Variants in ZSWIM5 observed in about 807,000 individuals in gnomAD.
The protein encoded by ZSWIM5 is zinc finger SWIM domain-containing protein 5.
Under a neutral mutation model 119.6 loss-of-function variants are expected in ZSWIM5, and 55 were observed. The observed-to-expected ratio is 0.46, with a 90% confidence interval of 0.37 to 0.58. The LOEUF (loss-of-function observed/expected upper bound fraction) is 0.58. Among genes scored for constraint, ZSWIM5 ranks in the 20% least tolerant of loss-of-function variants. The pLI, the probability that ZSWIM5 is intolerant of heterozygous loss-of-function variation, is 0.00. For missense variants in ZSWIM5, 1,193 were observed against 1,512.8 expected (o/e 0.79, Z 3.51); for synonymous variants, 537 against 606.9 (o/e 0.88, Z 1.69).
At chr1:45,093,846 GTTT>G (rs11383878) in intron 1 of ZSWIM5, among the ~76,000 whole-genome samples, 2 of 137,536 alleles carry the variant, frequency 1.5e-5, no homozygotes, top group Non-Finnish European at 3.1e-5. Flanking sequence ...GTAGAAGCTT[GTTT>G]TTTTTTTTTT....
chr1:45,169,171 T>G (rs1307839238), intron 1 of ZSWIM5, among the ~76,000 whole-genome samples: 1 of 151,892 alleles, frequency 6.6e-6, no homozygotes, highest in East Asian at 1.9e-4. Flanking sequence ...ATATCTAGTT[T>G]CTTCTGCTTG....
intron 1 of ZSWIM5, among the ~76,000 whole-genome samples, chr1:45,145,279 CTTACCATA>C (rs1645753326): frequency 1.3e-5 from 2 of 151,190 alleles, no homozygotes; most frequent in South Asian, 4.2e-4. Context: ...TATACACTTA[CTTACCATA>C]TTACCCAGCA....
At chr1:45,164,029 A>G (rs1395677313) in intron 1 of ZSWIM5, among the ~76,000 whole-genome samples, 1 of 152,210 alleles carries the variant, frequency 6.6e-6, no homozygotes, top group Non-Finnish European at 1.5e-5. Flanking sequence ...CAGATTCACC[A>G]AAGTTGAAAT....
At chr1:45,081,690 A>G (rs346708) in intron 2 of ZSWIM5, among the ~76,000 whole-genome samples, 26,635 of 149,954 alleles carry the variant, frequency 0.18, 2,498 homozygotes, top group African/African-American at 0.24. Flanking sequence ...GCCTGCCTTG[A>G]CCTCCCAAAG....
intron 1 of ZSWIM5, among the ~76,000 whole-genome samples, chr1:45,200,696 T>C (rs1646153408): frequency 6.6e-6 from 1 of 152,226 alleles, no homozygotes; most frequent in Admixed American, 6.5e-5. Context: ...TTGTCAAAAA[T>C]ATTCCACATG....
chr1:45,098,535 G>A (rs1023277604), intron 1 of ZSWIM5, among the ~76,000 whole-genome samples: 3 of 152,074 alleles, frequency 2.0e-5, no homozygotes, highest in East Asian at 1.9e-4. Flanking sequence ...ACTCAGCTCC[G>A]CACCAAGCAG....
In ZSWIM5 at chr1:45,018,428, G is replaced by C; in HGVS notation, c.*26C>G. ...CTGATACTACCTGGGAACCCAGGCTGCTCTGGCAGTGAGCTATCTGCTCTC... is the reference window on the plus strand; with the variant it reads ...CTGATACTACCTGGGAACCCAGGCTCCTCTGGCAGTGAGCTATCTGCTCTC... On this transcript the variant is annotated 3_prime_UTR_variant, in exon 14 of 14. Transcript: ENST00000359600. The surrounding 1 kb of genome is among the most constrained non-coding windows in gnomAD (Gnocchi z 6.7). The C allele has an allele frequency of 6.2e-7, 1 of 1,602,740 alleles. No homozygotes were observed. Among genetic ancestry groups the C allele is most frequent in the Non-Finnish European group, 8.5e-7 (1 of 1,173,806 alleles).
At chr1:45,049,718 G>A (rs1325418434) in intron 5 of ZSWIM5, among the ~76,000 whole-genome samples, 1 of 152,162 alleles carries the variant, frequency 6.6e-6, no homozygotes, top group Non-Finnish European at 1.5e-5. Context: ...GGAAGCTGAG[G>A]CAGCAGAATT....
chr1:45,073,030 A>G (rs1645233068), intron 2 of ZSWIM5, among the ~76,000 whole-genome samples: 1 of 151,900 alleles, frequency 6.6e-6, no homozygotes, highest in Admixed American at 6.5e-5. Context: ...TATTTTAACA[A>G]TATTGATTTT....
intron 2 of ZSWIM5, among the ~76,000 whole-genome samples, chr1:45,067,082 G>GCCTTTATGACATTAAATAGTTGGATA (rs1645188169): frequency 1.3e-5 from 2 of 152,218 alleles, no homozygotes; most frequent in South Asian, 4.2e-4. Context: ...ATCTTGGGAT[G>GCCTTTATGACATTAAATAGTTGGATA]CCTTTATGAC....
intron 11 of ZSWIM5, among the ~76,000 whole-genome samples, chr1:45,028,340 C>T (rs1644932450): frequency 6.6e-6 from 1 of 152,144 alleles, no homozygotes. Context: ...GGCTTTAGCT[C>T]TTACATTTAG....
At chr1:45,155,380 T>C (rs536977045) in intron 1 of ZSWIM5, among the ~76,000 whole-genome samples, 1 of 152,142 alleles carries the variant, frequency 6.6e-6, no homozygotes, top group East Asian at 1.9e-4. Context: ...AATACAAAAA[T>C]AGATGTTGGC....
chr1:45,019,444 T>C lies in ZSWIM5; in HGVS notation c.2696-128A>G. On this transcript the variant is annotated intron_variant, in intron 13 of 13. Coordinates refer to ENST00000359600, the MANE Select transcript of ZSWIM5 (RefSeq NM_020883.2). This position sits in a 1 kb window ranked among gnomAD's most constrained non-coding sequence, Gnocchi z 5.0. The stretch of plus-strand genomic sequence containing the variant: ...TTCCTCCTCAGCAACCTTGAGATGA[T>C]ATGAGGCAAACCAGGGCAAGGGGAG... 7.7e-7 allele frequency: 1 copy of C among 1,302,174 alleles called. No homozygotes were observed. Among genetic ancestry groups the C allele is most frequent in the Non-Finnish European group, 1.0e-6 (1 of 966,988 alleles). The allele number at this position is 1,302,174 out of a possible 1,614,324, so 80.7% of individuals were successfully genotyped here. A position where few individuals can be genotyped will look rare whatever the true frequency, so the allele number is the denominator to read the frequency against.
At chr1:45,089,224 G>A (rs1215844295) in intron 1 of ZSWIM5, among the ~76,000 whole-genome samples, 3 of 152,230 alleles carry the variant, frequency 2.0e-5, no homozygotes, top group South Asian at 2.1e-4. Context: ...CAAGCAATCC[G>A]CTTTGGCTCA....
intron 1 of ZSWIM5, among the ~76,000 whole-genome samples, chr1:45,117,111 G>GA (rs1290427406): frequency 2.6e-5 from 4 of 152,074 alleles, no homozygotes; most frequent in African/African-American, 7.2e-5. Context: ...TCAAAAGACA[G>GA]AAAAAAGGAA....
intron 5 of ZSWIM5, among the ~76,000 whole-genome samples, chr1:45,050,767 A>G (rs1352356883): frequency 6.6e-6 from 1 of 152,194 alleles, no homozygotes; most frequent in Admixed American, 6.5e-5. Context: ...TGAAGCCAAG[A>G]TATTTAATAC....
intron 11 of ZSWIM5, among the ~76,000 whole-genome samples, chr1:45,022,481 T>C (rs983088251): frequency 2.6e-5 from 4 of 152,208 alleles, no homozygotes; most frequent in Non-Finnish European, 4.4e-5. Context: ...TGCATATATA[T>C]GAATAGAAAA....
intron 1 of ZSWIM5, among the ~76,000 whole-genome samples, chr1:45,105,392 G>A (rs1023865397): frequency 1.3e-5 from 2 of 152,148 alleles, no homozygotes; most frequent in African/African-American, 2.4e-5. Flanking sequence ...AGTGAGCAGC[G>A]TCTCTGCCCG....
At chr1:45,163,079 C>G (rs1156940261) in intron 1 of ZSWIM5, among the ~76,000 whole-genome samples, 1 of 152,140 alleles carries the variant, frequency 6.6e-6, no homozygotes, top group Non-Finnish European at 1.5e-5. Flanking sequence ...CAGTAAGGGC[C>G]GACTGACACC....
Sources: allele counts gnomAD v4.1 joint callset (sites outside exome capture counted in the v4.1 genomes callset), GRCh38; gene constraint gnomAD v4.1.1; non-coding constraint Gnocchi (gnomAD v3.1); transcripts MANE v1.5; gene names NCBI Gene and HGNC (gene_info 2026-07-23, HGNC 2026-07-21).